The following DAB1 variants were observed in gnomAD, a reference collection of about 807,000 sequenced individuals.
The protein encoded by DAB1 is DAB adaptor protein 1.
DAB1 carries 15 observed loss-of-function variants against 64.6 expected under a neutral mutation model. The ratio of observed to expected loss-of-function variants is 0.23; its 90% CI spans 0.16 to 0.36. The LOEUF (loss-of-function observed/expected upper bound fraction) is 0.36. Ranked by LOEUF, DAB1 falls within the 10% of genes least tolerant of loss-of-function variation. DAB1 has a pLI of 1.00. For missense variants in DAB1, 596 were observed against 706.7 expected (o/e 0.84, Z 1.78); for synonymous variants, 235 against 251.9 (o/e 0.93, Z 0.64).
chr1:57,947,363 GCAACC>G (rs1645199472), intron 5 of DAB1, among the ~76,000 whole-genome samples: 1 of 152,078 alleles, frequency 6.6e-6, no homozygotes, highest in African/African-American at 2.4e-5. Flanking sequence ...CCACCACCCA[GCAACC>G]TCTGCACTTC....
chr1:57,801,354 T>C (rs1353103732), intron 6 of DAB1, among the ~76,000 whole-genome samples: 1 of 152,212 alleles, frequency 6.6e-6, no homozygotes, highest in Non-Finnish European at 1.5e-5. Context: ...AATGTGAAGA[T>C]GCCAGGTTCA....
chr1:57,480,754 C>T (rs192430974), intron 7 of DAB1, among the ~76,000 whole-genome samples: 69 of 152,076 alleles, frequency 4.5e-4, no homozygotes, highest in African/African-American at 1.6e-3. Flanking sequence ...CAAAGTGTTG[C>T]GATTATAGGC....
chr1:57,565,133 A>G (rs1645102133), intron 7 of DAB1, among the ~76,000 whole-genome samples: 1 of 152,210 alleles, frequency 6.6e-6, no homozygotes, highest in East Asian at 1.9e-4. Flanking sequence ...ATTCTTAAAG[A>G]AAATAATTTT....
chr1:58,221,937 T>C (rs1426842704), intron 4 of DAB1, among the ~76,000 whole-genome samples: 1 of 152,226 alleles, frequency 6.6e-6, no homozygotes, highest in Non-Finnish European at 1.5e-5. Context: ...TGTTCTTAAA[T>C]TTTAAAATTG....
intron 7 of DAB1, among the ~76,000 whole-genome samples, chr1:57,608,051 A>T (rs1645678810): frequency 6.6e-6 from 1 of 152,064 alleles, no homozygotes. Flanking sequence ...AGCTTATAAT[A>T]CCTGAAGACC....
At chr1:58,086,035 C>A (rs1443185617) in intron 5 of DAB1, among the ~76,000 whole-genome samples, 1 of 139,782 alleles carries the variant, frequency 7.2e-6, no homozygotes, top group Non-Finnish European at 1.5e-5. Flanking sequence ...GGGATCTCGG[C>A]TCACTGCAAG....
At chr1:57,049,040 A>G (rs1557625580) in intron 9 of DAB1, among the ~76,000 whole-genome samples, 1 of 152,194 alleles carries the variant, frequency 6.6e-6, no homozygotes, top group Admixed American at 6.5e-5. Flanking sequence ...GTTGCAAGAA[A>G]AAGAGCCAGA....
upstream of DAB1, among the ~76,000 whole-genome samples, chr1:57,885,042 A>G (rs1362917090): frequency 6.6e-6 from 1 of 152,198 alleles, no homozygotes; most frequent in Non-Finnish European, 1.5e-5. Context: ...AGTCAAACAA[A>G]TCTCTTATCT....
chr1:58,008,155 T>C (rs996049884), intron 5 of DAB1, among the ~76,000 whole-genome samples: 2 of 152,178 alleles, frequency 1.3e-5, no homozygotes, highest in African/African-American at 4.8e-5. Context: ...TACTTCCATT[T>C]ATAGATAAGA....
chr1:58,062,004 T>C lies in DAB1; in HGVS notation n.387+88507A>G, dbSNP rs964255866. Among the ~76,000 whole-genome samples the C allele has an allele frequency of 2.6e-5, 4 of 152,208 alleles. 1 individual carries two copies. The highest frequency in any genetic ancestry group is 2.6e-4 in the Admixed American group (4 of 15,284). ...CATTTAACCTAACCTCCATTTCAAA[T>C]AGTAAGGAAACTGAGGCCCCAAAAA... On this transcript the variant is annotated intron_variant and non_coding_transcript_variant, in intron 5 of 20. Transcript: ENST00000485760.
At chr1:57,253,882 T>C (rs1024755633) in intron 2 of DAB1, among the ~76,000 whole-genome samples, 4 of 152,208 alleles carry the variant, frequency 2.6e-5, no homozygotes, top group Admixed American at 2.0e-4. Flanking sequence ...GGATAAAACA[T>C]TTCTTTTATC....
chr1:58,119,566 GGCT>G (rs1652611041), intron 5 of DAB1, among the ~76,000 whole-genome samples: 1 of 152,044 alleles, frequency 6.6e-6, no homozygotes, highest in African/African-American at 2.4e-5. Context: ...TTTTATAACA[GGCT>G]AGCTATGATG....
At chr1:57,603,480 C>A (rs1404226609) in intron 7 of DAB1, among the ~76,000 whole-genome samples, 3 of 152,182 alleles carry the variant, frequency 2.0e-5, no homozygotes, top group Non-Finnish European at 4.4e-5. Context: ...ATCACTCTGA[C>A]CATCTAACAA....
chr1:57,525,939 CTTT>C (rs11299622), intron 7 of DAB1, among the ~76,000 whole-genome samples: 7 of 137,726 alleles, frequency 5.1e-5, no homozygotes, highest in African/African-American at 5.4e-5. Context: ...AATAGCATTT[CTTT>C]TTTTTTTTTT....
At chr1:58,391,515 C>A (rs1046703304) in intron 3 of DAB1, among the ~76,000 whole-genome samples, 1 of 152,200 alleles carries the variant, frequency 6.6e-6, no homozygotes, top group African/African-American at 2.4e-5. Flanking sequence ...GACTTGAATT[C>A]GGGCCTCCTT....
rs560835016 is a variant in DAB1, at chr1:57,289,777, G to C, written c.67+1187C>G. Among the ~76,000 whole-genome samples, 18 of 152,308 alleles carry C rather than the reference G, an allele frequency of 1.2e-4. No individual in the cohort carries two copies. In the South Asian group the frequency reaches 3.7e-3, roughly 32 times the overall value. On this transcript the variant is annotated intron_variant, in intron 2 of 14. Coordinates refer to ENST00000371236, the MANE Select transcript of DAB1 (RefSeq NM_001365792.1). ...CACATTGACAGATTTCAAGACCTGA[G>C]AGAGAGCTCTGTCAATCCTCTCCCA... is the stretch of plus-strand genomic sequence containing the variant.
intron 7 of DAB1, among the ~76,000 whole-genome samples, chr1:57,508,183 C>A (rs1317902231): frequency 1.3e-5 from 2 of 152,194 alleles, no homozygotes. Context: ...CCCGAACATT[C>A]CAACCTTTGT....
chr1:58,296,201 GAAAGAAAGAA>G (rs1557724822), intron 4 of DAB1, among the ~76,000 whole-genome samples: 3 of 83,602 alleles, frequency 3.6e-5, no homozygotes, highest in African/African-American at 1.6e-4. Flanking sequence ...GAAAGAGAAA[GAAAGAAAGAA>G]AGAAAGAAAG....
At chr1:58,005,841 G>C (rs1377111371) in intron 5 of DAB1, among the ~76,000 whole-genome samples, 2 of 152,120 alleles carry the variant, frequency 1.3e-5, no homozygotes, top group Non-Finnish European at 2.9e-5. Flanking sequence ...CATTCATTAT[G>C]ATATTTAATT....
Sources: gnomAD v4.1 joint callset for allele counts (sites outside exome capture counted in the v4.1 genomes callset) on GRCh38, gnomAD v4.1.1 for gene constraint, MANE v1.5 for transcripts, NCBI Gene and HGNC (gene_info 2026-07-23, HGNC 2026-07-21) for gene names.